Variants in DIAPH3 observed in about 807,000 individuals in gnomAD.
DIAPH3 encodes diaphanous related formin 3.
Under a neutral mutation model 144.3 loss-of-function variants are expected in DIAPH3, and 117 were observed. The observed-to-expected ratio is 0.81, with a 90% CI of 0.70 to 0.95. The LOEUF is 0.95. DIAPH3 is among the 40% of genes least tolerant of loss of function. The probability of loss-of-function intolerance (pLI) is 0.00; values close to 1 mark genes in which losing one functional copy is unlikely to be tolerated. For missense variants in DIAPH3, 1,421 were observed against 1,412.7 expected (o/e 1.01, Z -0.09); for synonymous variants, 519 against 488.9 (o/e 1.06, Z -0.81).
chr13:60,108,729 AG>A (rs1002440492), intron 3 of DIAPH3, among the ~76,000 whole-genome samples: 2 of 152,178 alleles, frequency 1.3e-5, no homozygotes, highest in Non-Finnish European at 2.9e-5. Context: ...GAACTAAAGC[AG>A]GGGGGAAATA....
chr13:60,033,819 T>C (rs1324746834), intron 5 of DIAPH3, among the ~76,000 whole-genome samples: 1 of 152,202 alleles, frequency 6.6e-6, no homozygotes, highest in Admixed American at 6.5e-5. Flanking sequence ...CTTTCAGACA[T>C]ATACTGCCCC....
chr13:59,839,186 G>A, intron 23 of DIAPH3, 138 bp downstream of exon 23: 3 of 946,310 alleles, frequency 3.2e-6, no homozygotes, highest in Non-Finnish European at 4.8e-6. Flanking sequence ...AAATTTCCCT[G>A]CAAGAAGGCA....
chr13:59,724,291 C>A (rs754856972), intron 27 of DIAPH3, among the ~76,000 whole-genome samples: 1 of 152,094 alleles, frequency 6.6e-6, no homozygotes, highest in Non-Finnish European at 1.5e-5. Flanking sequence ...AGAAAAAACT[C>A]GTGTGTGAAC....
intron 27 of DIAPH3, among the ~76,000 whole-genome samples, chr13:59,702,546 C>G (rs994388965): frequency 6.6e-6 from 1 of 152,160 alleles, no homozygotes; most frequent in Non-Finnish European, 1.5e-5. Flanking sequence ...ACCTTTCACA[C>G]TGCACTTACA....
At chr13:59,948,136 C>T (rs2048896627) in intron 17 of DIAPH3, among the ~76,000 whole-genome samples, 1 of 152,142 alleles carries the variant, frequency 6.6e-6, no homozygotes. Flanking sequence ...ACTGAAAATT[C>T]ATCCCAAGTC....
chr13:59,841,756 T>C (rs886169239), intron 22 of DIAPH3, among the ~76,000 whole-genome samples: 12 of 152,310 alleles, frequency 7.9e-5, no homozygotes, highest in Non-Finnish European at 1.2e-4. Flanking sequence ...AATAACAACA[T>C]CTAAAATGTG....
chr13:59,797,489 A>C (rs751167516), intron 25 of DIAPH3, among the ~76,000 whole-genome samples: 1 of 152,232 alleles, frequency 6.6e-6, no homozygotes, highest in Non-Finnish European at 1.5e-5. Context: ...TAATGGTCAC[A>C]AAAGCAAATC....
intron 27 of DIAPH3, among the ~76,000 whole-genome samples, chr13:59,710,838 A>T (rs962737309): frequency 1.3e-5 from 2 of 152,100 alleles, no homozygotes; most frequent in Admixed American, 6.6e-5. Context: ...TAAACAAGTT[A>T]AAAAAAATTC....
At chr13:59,997,405 C>T (rs1326731208) in intron 9 of DIAPH3, among the ~76,000 whole-genome samples, 1 of 152,048 alleles carries the variant, frequency 6.6e-6, no homozygotes, top group African/African-American at 2.4e-5. Flanking sequence ...GAATAGTATT[C>T]CACAGTGAAT....
intron 3 of DIAPH3, among the ~76,000 whole-genome samples, chr13:60,107,640 C>G (rs1229827445): frequency 6.6e-6 from 1 of 152,140 alleles, no homozygotes; most frequent in Admixed American, 6.5e-5. Flanking sequence ...CAAACATACG[C>G]TTAAGAGATG....
chr13:59,710,151 C>T (rs1363874402), intron 27 of DIAPH3, among the ~76,000 whole-genome samples: 14 of 150,164 alleles, frequency 9.3e-5, no homozygotes, highest in Non-Finnish European at 1.3e-4. Context: ...TGCTAGATGA[C>T]GAGTTAGTGG....
intron 25 of DIAPH3, among the ~76,000 whole-genome samples, chr13:59,787,604 A>C (rs1443329491): frequency 2.0e-5 from 3 of 152,182 alleles, no homozygotes; most frequent in African/African-American, 7.2e-5. Context: ...AAACAATGAA[A>C]GGATAAGCTG....
chr13:59,971,145 C>A lies in DIAPH3; in HGVS notation c.1666G>T (p.Ala556Ser), dbSNP rs2140577228. The A allele has an allele frequency of 6.3e-7, 1 of 1,583,622 alleles. No homozygotes were observed. The highest frequency in any genetic ancestry group is 1.1e-5 in the South Asian group (1 of 87,896). The change falls in exon 16 of 28, where the codon GCT (alanine) becomes TCT (serine). Residue 556 changes from alanine to serine, a missense_variant. Physicochemically the swap from Ala to Ser is moderately conservative, Grantham distance 99. Transcript: ENST00000400324. ...GGAGGCAAAGGAATATTACAATCAG[C>A]TGGCAAGGCACCAAACTGGAGAAAA... ...AFKSQFGALP[A>S]DCNIPLPPSK...
intron 14 of DIAPH3, among the ~76,000 whole-genome samples, chr13:59,977,237 G>C (rs921711170): frequency 6.6e-6 from 1 of 151,914 alleles, no homozygotes; most frequent in Middle Eastern, 3.4e-3. Flanking sequence ...GAGAGAGACA[G>C]AGAGAGACTG....
intron 17 of DIAPH3, among the ~76,000 whole-genome samples, chr13:59,947,378 T>C (rs907823140): frequency 6.6e-6 from 1 of 152,214 alleles, no homozygotes; most frequent in African/African-American, 2.4e-5. Flanking sequence ...GTCCACCGCC[T>C]GATTCTCTTA....
intron 27 of DIAPH3, among the ~76,000 whole-genome samples, chr13:59,680,391 C>G (rs2032875736): frequency 6.6e-6 from 1 of 152,136 alleles, no homozygotes; most frequent in African/African-American, 2.4e-5. Context: ...AGGGCAGAAT[C>G]TGCTGACACA....
intron 17 of DIAPH3, among the ~76,000 whole-genome samples, chr13:59,939,782 T>C (rs2048434104): frequency 6.6e-6 from 1 of 152,070 alleles, no homozygotes; most frequent in South Asian, 2.1e-4. Flanking sequence ...AAGTCACCTT[T>C]TATTTTCTAG....
intron 27 of DIAPH3, among the ~76,000 whole-genome samples, chr13:59,743,516 C>T (rs2139064946): frequency 6.6e-6 from 1 of 152,260 alleles, no homozygotes; most frequent in Middle Eastern, 3.4e-3. Flanking sequence ...AGAATGCTCT[C>T]ACCCTGGCCT....
chr13:59,958,830 G>A (rs1301396573), intron 17 of DIAPH3, among the ~76,000 whole-genome samples: 3 of 131,186 alleles, frequency 2.3e-5, no homozygotes, highest in Admixed American at 7.6e-5. Context: ...AAAAACATAT[G>A]TTAATGTGAC....
Sources: gnomAD v4.1 joint callset for allele counts (sites outside exome capture counted in the v4.1 genomes callset) on GRCh38, gnomAD v4.1.1 for gene constraint, MANE v1.5 for transcripts, NCBI Gene and HGNC (gene_info 2026-07-23, HGNC 2026-07-21) for gene names.